Variants in NCKAP5 observed in about 807,000 individuals in gnomAD.
NCKAP5 encodes the protein nck-associated protein 5.
In NCKAP5, 92 loss-of-function variants were observed where a neutral mutation model predicts 167.0. The observed-to-expected ratio is 0.55, with a 90% CI of 0.47 to 0.66. The LOEUF (loss-of-function observed/expected upper bound fraction) is 0.66. Ranked by LOEUF, NCKAP5 falls within the 30% of genes least tolerant of loss-of-function variation. The pLI is 0.00. For synonymous variants in NCKAP5, 891 were observed against 877.4 expected (o/e 1.02, Z -0.27); for missense variants, 2,378 against 2,315.0 (o/e 1.03, Z -0.56).
rs149339556 is a variant in NCKAP5, at chr2:133,032,417, T to C, written c.342-38178A>G. On this transcript the variant is annotated intron_variant, in intron 6 of 19. Coordinates refer to ENST00000409261, the MANE Select transcript of NCKAP5 (RefSeq NM_207363.3). Reference sequence around the variant, plus strand: ...GAGGAATGAGAAGGACTAGGTCTTGTGGTCTGAGTGCCAGCTCAGCCACAG... The same window carrying C: ...GAGGAATGAGAAGGACTAGGTCTTGCGGTCTGAGTGCCAGCTCAGCCACAG... Among the ~76,000 whole-genome samples, 123 of 152,306 alleles carry C rather than the reference T, an allele frequency of 8.1e-4. 3 individuals carry two copies. The East Asian group carries it at 0.021, about 25-fold the overall frequency.
At chr2:132,937,232 T>C (rs1192636849) in intron 8 of NCKAP5, among the ~76,000 whole-genome samples, 1 of 152,110 alleles carries the variant, frequency 6.6e-6, no homozygotes, top group Non-Finnish European at 1.5e-5. Flanking sequence ...TGCTGGCTGC[T>C]AGGAGTAGGC....
chr2:133,146,236 A>G (rs2083192392), intron 5 of NCKAP5, among the ~76,000 whole-genome samples: 1 of 151,972 alleles, frequency 6.6e-6, no homozygotes, highest in Admixed American at 6.6e-5. Context: ...ATAAAATGCA[A>G]CATCTAGATA....
chr2:132,969,283 C>T (rs2076760621), intron 7 of NCKAP5, among the ~76,000 whole-genome samples: 1 of 152,102 alleles, frequency 6.6e-6, no homozygotes, highest in Admixed American at 6.6e-5. Flanking sequence ...GGTAATCCAC[C>T]CACCTCAGCC....
chr2:132,937,337 T>C (rs902008741), intron 8 of NCKAP5, among the ~76,000 whole-genome samples: 1 of 152,168 alleles, frequency 6.6e-6, no homozygotes, highest in African/African-American at 2.4e-5. Flanking sequence ...AATTAATAAA[T>C]ATGGAAACCT....
the NCKAP5 span, among the ~76,000 whole-genome samples, chr2:133,660,213 C>T: frequency 6.6e-6 from 1 of 152,222 alleles, no homozygotes. Context: ...AGTCAAAATG[C>T]ACTTAAAATG....
intron 11 of NCKAP5, among the ~76,000 whole-genome samples, chr2:132,858,466 T>G (rs189260158): frequency 2.6e-5 from 4 of 152,338 alleles, no homozygotes; most frequent in Admixed American, 2.6e-4. Flanking sequence ...GTATTTTAGC[T>G]CCACTGTATA....
At chr2:133,416,869 A>C (rs762289754) in intron 3 of NCKAP5, among the ~76,000 whole-genome samples, 3 of 152,114 alleles carry the variant, frequency 2.0e-5, no homozygotes, top group Non-Finnish European at 4.4e-5. Flanking sequence ...AACTTCCTCG[A>C]GGTTTGGAAA....
chr2:133,304,791 G>A (rs1680658656), intron 3 of NCKAP5, among the ~76,000 whole-genome samples: 1 of 152,338 alleles, frequency 6.6e-6, no homozygotes, highest in African/African-American at 2.4e-5. Context: ...GAGGGGGAAA[G>A]CCACTGCCCT....
chr2:133,380,112 C>T (rs1574837977), intron 3 of NCKAP5, among the ~76,000 whole-genome samples: 1 of 151,970 alleles, frequency 6.6e-6, no homozygotes, highest in East Asian at 1.9e-4. Flanking sequence ...TTATTTATTC[C>T]TTCTATGATA....
At chr2:132,750,790 T>C (rs1313078180) in intron 16 of NCKAP5, among the ~76,000 whole-genome samples, 2 of 152,142 alleles carry the variant, frequency 1.3e-5, no homozygotes, top group Non-Finnish European at 2.9e-5. Flanking sequence ...AGCTTCAGGA[T>C]AAAAGGCTGA....
chr2:133,367,706 A>G (rs1685542632), intron 3 of NCKAP5, among the ~76,000 whole-genome samples: 1 of 152,196 alleles, frequency 6.6e-6, no homozygotes, highest in Admixed American at 6.6e-5. Context: ...GGAGGCAGCA[A>G]CTCACACTCA....
chr2:133,125,062 C>G (rs1321929088), intron 6 of NCKAP5, among the ~76,000 whole-genome samples: 1 of 152,092 alleles, frequency 6.6e-6, no homozygotes, highest in Non-Finnish European at 1.5e-5. Flanking sequence ...TAATAATCAT[C>G]ATCATCATCT....
intron 19 of NCKAP5, among the ~76,000 whole-genome samples, chr2:132,684,401 G>A (rs1685664826): frequency 6.6e-6 from 1 of 152,206 alleles, no homozygotes; most frequent in Non-Finnish European, 1.5e-5. Context: ...AGGCAAGAAA[G>A]TTCACAGGGT....
At chr2:133,194,220 T>A (rs142084576) in intron 5 of NCKAP5, among the ~76,000 whole-genome samples, 3 of 152,146 alleles carry the variant, frequency 2.0e-5, no homozygotes, top group Non-Finnish European at 2.9e-5. Flanking sequence ...AAAGTGGTTA[T>A]CCTATACCTG....
At chr2:132,800,663 G>GC (rs1261730210) in intron 11 of NCKAP5, among the ~76,000 whole-genome samples, 1 of 151,900 alleles carries the variant, frequency 6.6e-6, no homozygotes, top group Non-Finnish European at 1.5e-5. Flanking sequence ...TCCTCCTCCT[G>GC]CCCCTAGATC....
chr2:133,190,555 C>G (rs2085168355), intron 5 of NCKAP5, among the ~76,000 whole-genome samples: 1 of 152,220 alleles, frequency 6.6e-6, no homozygotes, highest in Non-Finnish European at 1.5e-5. Flanking sequence ...CAGCATGGTA[C>G]TGGTACCAAA....
At chr2:132,913,244 G>A (rs1694595514) in intron 8 of NCKAP5, among the ~76,000 whole-genome samples, 1 of 152,024 alleles carries the variant, frequency 6.6e-6, no homozygotes, top group South Asian at 2.1e-4. Flanking sequence ...TGTTAATCAT[G>A]CACATCTAGC....
intron 6 of NCKAP5, among the ~76,000 whole-genome samples, chr2:133,031,230 A>G (rs1295049363): frequency 6.6e-6 from 1 of 152,172 alleles, no homozygotes; most frequent in African/African-American, 2.4e-5. Flanking sequence ...AATCACTGAC[A>G]CCATCCCTCC....
intron 16 of NCKAP5, among the ~76,000 whole-genome samples, chr2:132,734,105 C>G (rs1391197284): frequency 6.6e-6 from 1 of 152,192 alleles, no homozygotes; most frequent in Non-Finnish European, 1.5e-5. Context: ...TCAGGGCCCC[C>G]ACCTGGCCAG....
Sources: gnomAD v4.1 joint callset for allele counts (sites outside exome capture counted in the v4.1 genomes callset) on GRCh38, gnomAD v4.1.1 for gene constraint, MANE v1.5 for transcripts, NCBI Gene and HGNC (gene_info 2026-07-23, HGNC 2026-07-21) for gene names.